Variants in TPTE2 observed in about 807,000 individuals in gnomAD.
TPTE2 encodes the protein phosphatidylinositol 3,4,5-trisphosphate 3-phosphatase TPTE2.
A neutral mutation model predicts 78.6 loss-of-function variants in TPTE2; 53 were observed. That is an observed-to-expected ratio of 0.67 (90% CI 0.54 to 0.85). The LOEUF (loss-of-function observed/expected upper bound fraction) is 0.85, where lower values mean the gene tolerates loss of function less well. TPTE2 is among the 40% of genes least tolerant of loss of function. The probability of loss-of-function intolerance (pLI) is 0.00; values close to 1 mark genes in which losing one functional copy is unlikely to be tolerated. For synonymous variants in TPTE2, 175 were observed against 206.2 expected (o/e 0.85, Z 1.30); for missense variants, 461 against 623.0 (o/e 0.74, Z 2.77).
Position 19,474,529 on chromosome 13 carries a change from G to A in TPTE2, c.231-454C>T, listed in dbSNP as rs186186142. Among the ~76,000 whole-genome samples, 460 of 152,228 alleles carry A rather than the reference G, an allele frequency of 3.0e-3. 2 individuals are homozygous for A. Among genetic ancestry groups the A allele is most frequent in the African/African-American group, 0.01 (436 of 41,550 alleles). On this transcript the variant is annotated intron_variant, in intron 5 of 19. Coordinates refer to ENST00000400230, the Ensembl canonical transcript of TPTE2. ...ATTAATAAAAACCAAATGAAAGCAT[G>A]AGTAACATAAGCTCTTAAAAGACCA...
At chr13:19,508,999 T>TA (rs902463007) in intron 1 of TPTE2, among the ~76,000 whole-genome samples, 65 of 152,230 alleles carry the variant, frequency 4.3e-4, no homozygotes, top group Non-Finnish European at 6.6e-4. Context: ...TTAGCTTTTT[T>TA]AAAAAAACCC....
At chr13:19,559,655 A>T in the TPTE2 span, among the ~76,000 whole-genome samples, 17 of 151,562 alleles carry the variant, frequency 1.1e-4, no homozygotes, top group African/African-American at 4.1e-4. Flanking sequence ...CAGCAAAAGC[A>T]TCACCCACTG....
At chr13:19,476,128 C>T (rs139136929) in intron 4 of TPTE2, among the ~76,000 whole-genome samples, 2 of 152,184 alleles carry the variant, frequency 1.3e-5, no homozygotes, top group Non-Finnish European at 2.9e-5. Context: ...GAGCAAGAGT[C>T]ACATATGAGG....
exon 17 of TPTE2, chr13:19,430,503 C>A (rs1024558275): frequency 1.2e-6 from 2 of 1,610,582 alleles, no homozygotes; most frequent in South Asian, 1.1e-5. Context: ...GAAAAGACAA[C>A]CTTTTTCTCC....
chr13:19,435,755 G>GACACACACACACAC (rs60130804), intron 15 of TPTE2, among the ~76,000 whole-genome samples: 106 of 137,718 alleles, frequency 7.7e-4, no homozygotes, highest in Admixed American at 1.7e-3. Flanking sequence ...ACACAGAAAA[G>GACACACACACACAC]ACACACACAC....
intron 1 of TPTE2, among the ~76,000 whole-genome samples, chr13:19,495,417 GCACA>G (rs1881244303): frequency 1.3e-5 from 2 of 152,146 alleles, no homozygotes; most frequent in African/African-American, 4.8e-5. Context: ...CACACTACTA[GCACA>G]GTCTCATTCT....
At position 19,497,634 on chromosome 13, in the gene TPTE2, C is replaced by T. The variant is rs1267779458; in HGVS notation, c.12-4133G>A. ...CTAACAAACAGAAAGGACATCCACA[C>T]CAAAAACCCATCTGTACATCACCAT... On this transcript the variant is annotated intron_variant, in intron 1 of 19. Transcript: ENST00000400230. Among the ~76,000 whole-genome samples the T allele has an allele frequency of 2.0e-4, 26 of 131,042 alleles. 1 individual carries two copies. The highest frequency in any genetic ancestry group is 3.6e-4 in the Non-Finnish European group (21 of 58,606). The allele number at this position is 131,042 out of a possible 152,430, so 86.0% of individuals were successfully genotyped here.
upstream of TPTE2, among the ~76,000 whole-genome samples, chr13:19,506,158 A>ATATTTTTT (rs1566069858): frequency 1.3e-4 from 3 of 23,556 alleles, no homozygotes; most frequent in Non-Finnish European, 2.9e-4. Context: ...GTGTATATAA[A>ATATTTTTT]TCTTTTTTTT....
rs1881127523 is a variant in TPTE2 at position 19,493,435 on chromosome 13, A to G, written c.65+13T>C. On this transcript the variant is annotated intron_variant, in intron 2 of 19. Coordinates refer to ENST00000400230, the Ensembl canonical transcript of TPTE2. Reference sequence around the variant, plus strand: ...TGCTGACGGGTGACTTTATTTAACTATTTATTACTTACCTTTCTTTCGCAG... The same window carrying G: ...TGCTGACGGGTGACTTTATTTAACTGTTTATTACTTACCTTTCTTTCGCAG... 6.2e-7 allele frequency: 1 copy of G among 1,613,426 alleles called. No homozygotes were observed. The highest frequency in any genetic ancestry group is 1.1e-5 in the South Asian group (1 of 91,062).
upstream of TPTE2, among the ~76,000 whole-genome samples, chr13:19,539,882 C>T (rs573141600): frequency 5.9e-5 from 9 of 152,228 alleles, no homozygotes; most frequent in East Asian, 1.9e-4. Flanking sequence ...TGGTGGCTCA[C>T]GCCTGTAATC....
chr13:19,505,672 T>C (rs1025659991), upstream of TPTE2: 8 of 152,176 alleles, frequency 5.3e-5, no homozygotes, highest in South Asian at 4.2e-4. Flanking sequence ...GTGGTAGAAC[T>C]CTAGAGGGTG....
chr13:19,465,247 T>C lies in TPTE2; in HGVS notation c.676+8A>G. 1 of 1,613,856 alleles carries C rather than the reference T, an allele frequency of 6.2e-7. No individual in the cohort carries two copies. Among genetic ancestry groups the C allele is most frequent in the Non-Finnish European group, 8.5e-7 (1 of 1,179,800 alleles). On this transcript the variant is annotated splice_region_variant and intron_variant, in intron 9 of 19. Coordinates refer to ENST00000400230, the Ensembl canonical transcript of TPTE2. ...ATACAAGTAAATCAACCATTAAGTG[T>C]CACAAACCTGTAACGTAAGTGAGGT...
At chr13:19,541,045 G>A (rs1266165746), upstream of TPTE2, among the ~76,000 whole-genome samples, 3 of 152,194 alleles carry the variant, frequency 2.0e-5, no homozygotes, top group African/African-American at 7.2e-5. Flanking sequence ...TTAAAACTTA[G>A]TGTCCTCTTC....
At chr13:19,432,281 C>A (rs1876702837) in intron 16 of TPTE2, among the ~76,000 whole-genome samples, 192 bp downstream of exon 19, 2 of 22,774 alleles carry the variant, frequency 8.8e-5, no homozygotes, top group African/African-American at 1.7e-4. Context: ...AAGTGAAGAA[C>A]ATCTCAGGGC....
chr13:19,485,524 G>C (rs1457532890), intron 3 of TPTE2, among the ~76,000 whole-genome samples: 1 of 152,036 alleles, frequency 6.6e-6, no homozygotes, highest in African/African-American at 2.4e-5. Flanking sequence ...TGTCTGGGTT[G>C]AATGTATTTG....
At chr13:19,449,248 A>T (rs996685022) in intron 13 of TPTE2, among the ~76,000 whole-genome samples, 1 of 152,148 alleles carries the variant, frequency 6.6e-6, no homozygotes, top group African/African-American at 2.4e-5. Context: ...ATCTCAGCTC[A>T]CTGCAACCTC....
chr13:19,432,521 G>A, exon 16 of TPTE2: 1 of 1,608,020 alleles, frequency 6.2e-7, no homozygotes, highest in South Asian at 1.1e-5. Context: ...ATCCGTCTTG[G>A]AGGGAGATTC....
At chr13:19,466,785 GTGTAAGGGATT>G (rs1879291924) in intron 7 of TPTE2, among the ~76,000 whole-genome samples, 1 of 152,304 alleles carries the variant, frequency 6.6e-6, no homozygotes, top group South Asian at 2.1e-4. Context: ...AGAACATTAT[GTGTAAGGGATT>G]TGTAGTTGAA....
chr13:19,546,854 G>A, the TPTE2 span, among the ~76,000 whole-genome samples: 1 of 151,750 alleles, frequency 6.6e-6, no homozygotes, highest in Non-Finnish European at 1.5e-5. Flanking sequence ...GAGGTTGTAA[G>A]ATAATAGTTA....
Sources: gnomAD v4.1 joint callset for allele counts (sites outside exome capture counted in the v4.1 genomes callset) on GRCh38, gnomAD v4.1.1 for gene constraint, MANE v1.5 for transcripts, NCBI Gene and HGNC (gene_info 2026-07-23, HGNC 2026-07-21) for gene names.